The following CPEB1 variants were observed in gnomAD, a reference collection of about 807,000 sequenced individuals.
CPEB1 encodes cytoplasmic polyadenylation element-binding protein 1.
In CPEB1, 7 loss-of-function variants were observed where a neutral mutation model predicts 65.8. The ratio of observed to expected loss-of-function variants is 0.11; its 90% CI spans 0.06 to 0.20. The LOEUF (loss-of-function observed/expected upper bound fraction) is 0.20. Ranked by LOEUF, CPEB1 falls within the 10% of genes least tolerant of loss-of-function variation. The pLI is 1.00. For synonymous variants in CPEB1, 262 were observed against 260.0 expected (o/e 1.01, Z -0.08); for missense variants, 551 against 712.2 (o/e 0.77, Z 2.58).
At chr15:82,625,498 T>C (rs868700813) in intron 3 of CPEB1, among the ~76,000 whole-genome samples, 1 of 152,200 alleles carries the variant, frequency 6.6e-6, no homozygotes, top group African/African-American at 2.4e-5. Context: ...AAAACAGTAG[T>C]TGTCCTTTGG....
rs573066132 is a variant in CPEB1, at chr15:82,588,128, T to G, written c.272-16596A>C. Among the ~76,000 whole-genome samples, 1,312 of 147,902 alleles carry G rather than the reference T, an allele frequency of 8.9e-3. 19 individuals are homozygous for G. The highest frequency in any genetic ancestry group is 0.03 in the African/African-American group (1,198 of 39,946). Reference sequence around the variant, plus strand: ...GTTTTTTGTTTTTGTATTTTTTTTTTGTAGAAACAGGGTTTCGTCATATTG... The same window carrying G: ...GTTTTTTGTTTTTGTATTTTTTTTTGGTAGAAACAGGGTTTCGTCATATTG... On this transcript the variant is annotated intron_variant, in intron 3 of 12. Coordinates refer to ENST00000684509, the MANE Select transcript of CPEB1 (RefSeq NM_001365242.1).
At chr15:82,640,793 A>ATAT (rs1378850979) in intron 1 of CPEB1, 1 of 152,094 alleles carries the variant, frequency 6.6e-6, no homozygotes, top group Non-Finnish European at 1.5e-5. Context: ...GGTCTCCTGT[A>ATAT]TATATAAGGA....
intron 1 of CPEB1, among the ~76,000 whole-genome samples, chr15:82,644,244 T>G (rs587600929): frequency 6.6e-6 from 1 of 152,168 alleles, no homozygotes; most frequent in Non-Finnish European, 1.5e-5. Context: ...AAGGTTCACT[T>G]TGCCTATAAA....
At chr15:82,597,477 A>G (rs1234406119) in intron 3 of CPEB1, among the ~76,000 whole-genome samples, 1 of 152,258 alleles carries the variant, frequency 6.6e-6, no homozygotes, top group Non-Finnish European at 1.5e-5. Context: ...AGCGAGAAAC[A>G]AAGACAGTTA....
intron 3 of CPEB1, among the ~76,000 whole-genome samples, chr15:82,606,373 G>A (rs2043594980): frequency 6.6e-6 from 1 of 151,254 alleles, no homozygotes; most frequent in Non-Finnish European, 1.5e-5. Flanking sequence ...TCAGGAGGCT[G>A]AGGGAGAACT....
intron 1 of CPEB1, among the ~76,000 whole-genome samples, chr15:82,643,791 A>T (rs921023718): frequency 2.0e-5 from 3 of 152,100 alleles, no homozygotes; most frequent in African/African-American, 7.2e-5. Flanking sequence ...CCGGGAGCTT[A>T]TCTCAGATTT....
intron 3 of CPEB1, among the ~76,000 whole-genome samples, chr15:82,616,322 A>G (rs1481894867): frequency 6.6e-6 from 1 of 152,132 alleles, no homozygotes; most frequent in Non-Finnish European, 1.5e-5. Context: ...ATGTTTATGG[A>G]CATACACAGA....
chr15:82,596,272 A>G (rs1322387811), intron 3 of CPEB1, among the ~76,000 whole-genome samples: 1 of 152,246 alleles, frequency 6.6e-6, no homozygotes, highest in Non-Finnish European at 1.5e-5. Flanking sequence ...TCTTGATGGC[A>G]TAATATTCTG....
chr15:82,557,610 T>C, intron 5 of CPEB1, 150 bp downstream of exon 5: 1 of 656,414 alleles, frequency 1.5e-6, no homozygotes, highest in Non-Finnish European at 2.6e-6. Flanking sequence ...ACTCTACAAA[T>C]GTCCACAATA....
At chr15:82,627,059 C>A in intron 3 of CPEB1, 134 bp downstream of exon 3, 2 of 664,298 alleles carry the variant, frequency 3.0e-6, no homozygotes, top group African/African-American at 1.8e-5. Flanking sequence ...TAAACTAAAC[C>A]ACAAAAAGGC....
At chr15:82,637,424 C>G (rs2046753228) in intron 1 of CPEB1, among the ~76,000 whole-genome samples, 1 of 152,174 alleles carries the variant, frequency 6.6e-6, no homozygotes, top group Non-Finnish European at 1.5e-5. Context: ...GCTCTCACAC[C>G]TTTGTAAACA....
chr15:82,554,473 G>A (rs768945907), intron 6 of CPEB1, among the ~76,000 whole-genome samples: 1 of 152,196 alleles, frequency 6.6e-6, no homozygotes, highest in Non-Finnish European at 1.5e-5. Context: ...ATGAATCACA[G>A]AAGTTAGGAC....
intron 3 of CPEB1, among the ~76,000 whole-genome samples, chr15:82,612,849 CAAACAAACAAACAAACA>C (rs1448004249): frequency 6.0e-5 from 3 of 50,112 alleles, no homozygotes; most frequent in African/African-American, 1.9e-4. Context: ...AAAGAACAAA[CAAACAAACAAACAAACA>C]AAACAAACAA....
At chr15:82,629,756 T>C (rs1252204850) in intron 1 of CPEB1, 2 of 985,180 alleles carry the variant, frequency 2.0e-6, no homozygotes, top group Non-Finnish European at 2.4e-6. Context: ...GCTGGTCACA[T>C]CAAAACAAAA....
In CPEB1 at chr15:82,543,700, C is replaced by T. The variant is rs2034687253; in HGVS notation, c.*892G>A. 1 of 151,954 alleles carries T rather than the reference C, an allele frequency of 6.6e-6. No individual in the cohort carries two copies. The highest frequency in any genetic ancestry group is 1.5e-5 in the Non-Finnish European group (1 of 67,980). The allele number at this position is 151,954 out of a possible 1,614,324, so 9.4% of individuals were successfully genotyped here. ...AGTCCTGTGACTTTGTGATTAAAAA[C>T]TTCTATCAACCCCACCCCCCCACAT... On this transcript the variant is annotated 3_prime_UTR_variant, in exon 13 of 13. Coordinates refer to ENST00000684509, the MANE Select transcript of CPEB1 (RefSeq NM_001365242.1).
At chr15:82,559,832 C>T (rs1367589109) in intron 4 of CPEB1, among the ~76,000 whole-genome samples, 4 of 152,128 alleles carry the variant, frequency 2.6e-5, no homozygotes, top group Non-Finnish European at 1.5e-5. Flanking sequence ...GCCTGTAATC[C>T]CAGCACTTTG....
intron 3 of CPEB1, among the ~76,000 whole-genome samples, chr15:82,589,606 T>C (rs1048564718): frequency 6.6e-6 from 1 of 151,828 alleles, no homozygotes; most frequent in South Asian, 2.1e-4. Context: ...TAACCAGACA[T>C]AGTGGCACAT....
At chr15:82,583,909 T>C (rs1457887278) in intron 3 of CPEB1, among the ~76,000 whole-genome samples, 2 of 152,208 alleles carry the variant, frequency 1.3e-5, no homozygotes, top group African/African-American at 2.4e-5. Context: ...GATCATCCTA[T>C]TGATACCAAA....
chr15:82,607,822 A>T (rs1256833166), intron 3 of CPEB1, among the ~76,000 whole-genome samples: 2 of 152,240 alleles, frequency 1.3e-5, no homozygotes, highest in Non-Finnish European at 2.9e-5. Context: ...ACAGACCACC[A>T]AAATATATGC....
Sources: allele counts gnomAD v4.1 joint callset (sites outside exome capture counted in the v4.1 genomes callset), GRCh38; gene constraint gnomAD v4.1.1; transcripts MANE v1.5; gene names NCBI Gene and HGNC (gene_info 2026-07-23, HGNC 2026-07-21).